Variants in PRTG observed in about 807,000 individuals in gnomAD.
PRTG encodes protogenin.
A neutral mutation model predicts 122.5 loss-of-function variants in PRTG; 67 were observed. The ratio of observed to expected loss-of-function variants is 0.55; its 90% CI spans 0.45 to 0.67. The LOEUF is 0.67. Among genes scored for constraint, PRTG ranks in the 30% least tolerant of loss-of-function variants. PRTG has a pLI of 0.00. For synonymous variants in PRTG, 554 were observed against 501.1 expected (o/e 1.11, Z -1.41); for missense variants, 1,435 against 1,415.4 (o/e 1.01, Z -0.22).
At position 55,624,414 on chromosome 15, in the gene PRTG, G is replaced by T; in HGVS notation, c.3021C>A (p.Asn1007Lys). 6.2e-7 allele frequency: 1 copy of T among 1,613,902 alleles called. No homozygotes were observed. Among genetic ancestry groups the T allele is most frequent in the Non-Finnish European group, 8.5e-7 (1 of 1,179,876 alleles). Residue 1007 changes from asparagine (N) to lysine (K), a missense_variant, in exon 18 of 20, where the codon AAC (asparagine) becomes AAA (lysine). Physicochemically the swap from Asn to Lys is moderately conservative, Grantham distance 94 (BLOSUM62 0). Transcript: ENST00000389286. ...SLASGNEVGK[N>K]LEGAVGNEES... is the part of the protein sequence containing the mutation. ...CTTCATTTCCTACAGCTCCTTCCAG[G>T]TTCTTTCCTACCTCATTTCCACTAG...
chr15:55,685,511 T>C (rs2059565438), intron 2 of PRTG, among the ~76,000 whole-genome samples: 1 of 152,070 alleles, frequency 6.6e-6, no homozygotes, highest in Non-Finnish European at 1.5e-5. Context: ...TTTCCAGGAG[T>C]TATGTAATGC....
Position 55,680,593 on chromosome 15 carries a change from T to G in PRTG, c.712A>C (p.Ile238Leu). 1 of 1,574,556 alleles carries G rather than the reference T, an allele frequency of 6.4e-7. No homozygotes were observed. The highest frequency in any genetic ancestry group is 8.6e-7 in the Non-Finnish European group (1 of 1,158,564). The change falls in exon 5 of 20, where the codon ATA (isoleucine) becomes CTA (leucine). Residue 238 changes from isoleucine (I) to leucine (L), a missense_variant. Physicochemically the swap from Ile to Leu is conservative, Grantham distance 5. Coordinates refer to ENST00000389286, the MANE Select transcript of PRTG (RefSeq NM_173814.6). ...GTTGTTATGTTCTGTGGACCTGCTATAATTGTTGGTGTGTGGAAGGATTTT... is the reference window on the plus strand; with the variant it reads ...GTTGTTATGTTCTGTGGACCTGCTAGAATTGTTGGTGTGTGGAAGGATTTT... ...ESKSFHTPTI[I>L]AGPQNITTSL...
intron 2 of PRTG, among the ~76,000 whole-genome samples, chr15:55,708,950 G>C (rs2030259920): frequency 6.6e-6 from 1 of 151,872 alleles, no homozygotes; most frequent in Non-Finnish European, 1.5e-5. Context: ...TTCAAGGCCA[G>C]CCTGGTCAAC....
Position 55,683,784 on chromosome 15 carries a change from T to G in PRTG, c.542+3A>C, listed in dbSNP as rs551626672. ...ATCTCCAAAGACAAAAATCTACATCTACCTGTCCATAGTCATAGGTAGAGT... is the reference window on the plus strand; with the variant it reads ...ATCTCCAAAGACAAAAATCTACATCGACCTGTCCATAGTCATAGGTAGAGT... On this transcript the variant is annotated splice_donor_region_variant and intron_variant, in intron 3 of 19. Coordinates refer to ENST00000389286, the MANE Select transcript of PRTG (RefSeq NM_173814.6). 6.2e-7 allele frequency: 1 copy of G among 1,609,896 alleles called. No homozygotes were observed. The highest frequency in any genetic ancestry group is 1.1e-5 in the South Asian group (1 of 90,276).
intron 2 of PRTG, among the ~76,000 whole-genome samples, chr15:55,694,434 G>A (rs1353645068): frequency 6.6e-6 from 1 of 151,826 alleles, no homozygotes; most frequent in African/African-American, 2.4e-5. Flanking sequence ...CATCACTTAT[G>A]ATCAATGGAT....
At chr15:55,732,993 C>T (rs891204234) in intron 2 of PRTG, among the ~76,000 whole-genome samples, 24 of 151,956 alleles carry the variant, frequency 1.6e-4, no homozygotes, top group African/African-American at 5.1e-4. Context: ...GGGCAGACCA[C>T]GAGGTCAAGA....
At chr15:55,739,049 C>T (rs1231200893) in intron 2 of PRTG, among the ~76,000 whole-genome samples, 1 of 152,004 alleles carries the variant, frequency 6.6e-6, no homozygotes, top group Non-Finnish European at 1.5e-5. Flanking sequence ...AACCGCAAAC[C>T]TCTGATTTTC....
chr15:55,642,907 T>C (rs1210842790), intron 11 of PRTG, among the ~76,000 whole-genome samples: 1 of 151,818 alleles, frequency 6.6e-6, no homozygotes, highest in Non-Finnish European at 1.5e-5. Flanking sequence ...CGCATCTCTA[T>C]AAAAAATAAA....
intron 4 of PRTG, among the ~76,000 whole-genome samples, chr15:55,682,089 A>C (rs928419484): frequency 2.0e-5 from 3 of 152,208 alleles, no homozygotes; most frequent in Admixed American, 2.0e-4. Context: ...GAGAGACCTG[A>C]GCATCAGTGA....
rs2059135765 is a variant in PRTG at position 55,615,010 on chromosome 15, AT to A, written c.*5001del. On this transcript the variant is annotated 3_prime_UTR_variant, in exon 20 of 20. Transcript: ENST00000389286. ...ACTTCAGTTGGGGAGATTATCCTGG[AT>A]TATTTAGGTGGGCTCAATGTGATCA... 6.6e-6 allele frequency: 1 copy of A among 152,172 alleles called. No homozygotes were observed. The highest frequency in any genetic ancestry group is 1.9e-4 in the East Asian group (1 of 5,176). 9.4% of individuals were successfully genotyped at this position (152,172 alleles called of 1,614,324 possible).
rs1251546041 is a variant in PRTG at position 55,616,429 on chromosome 15, G to A, written c.*3583C>T. Reference sequence around the variant, plus strand: ...CCAGGTAATGCTTAAAGCAGGAAGAGAACTATACAGGCTAATTCAGAGGTA... The same window carrying A: ...CCAGGTAATGCTTAAAGCAGGAAGAAAACTATACAGGCTAATTCAGAGGTA... On this transcript the variant is annotated 3_prime_UTR_variant, in exon 20 of 20. Coordinates refer to ENST00000389286, the MANE Select transcript of PRTG (RefSeq NM_173814.6). 1 of 152,124 alleles carries A rather than the reference G, an allele frequency of 6.6e-6. No individual in the cohort carries two copies. Among genetic ancestry groups the A allele is most frequent in the African/African-American group, 2.4e-5 (1 of 41,430 alleles). The allele number at this position is 152,124 out of a possible 1,614,324, so 9.4% of individuals were successfully genotyped here.
At chr15:55,678,574 A>T (rs2059518129) in intron 7 of PRTG, among the ~76,000 whole-genome samples, 2 of 152,216 alleles carry the variant, frequency 1.3e-5, no homozygotes. Context: ...AATAAAAGTT[A>T]CTGAAAACAA....
chr15:55,648,858 G>A (rs1160792334), intron 11 of PRTG, among the ~76,000 whole-genome samples: 1 of 152,076 alleles, frequency 6.6e-6, no homozygotes, highest in Non-Finnish European at 1.5e-5. Flanking sequence ...CAGCACTTTG[G>A]GAGGCCAAGG....
At chr15:55,702,894 C>A (rs2029945676) in intron 2 of PRTG, 2 of 985,136 alleles carry the variant, frequency 2.0e-6, no homozygotes, top group Non-Finnish European at 2.4e-6. Context: ...CGGGGACAGA[C>A]CTTTTACAGG....
At position 55,682,487 on chromosome 15, in the gene PRTG, G is replaced by A. The variant is rs753129340; in HGVS notation, c.553C>T (p.Leu185=). The part of the protein sequence containing the change: ...LPMTMDRITA[L]PTGVLQIYDV... ...TAGATCTGCAATACTCCTGTTGGTA[G>A]GGCAGTTATCCTGTTATGAGAGAAA... The change falls in exon 4 of 20, where the codon CTA becomes TTA. Residue 185 remains leucine (L), a synonymous_variant. Coordinates refer to ENST00000389286, the MANE Select transcript of PRTG (RefSeq NM_173814.6). The A allele has an allele frequency of 1.4e-5, 22 of 1,541,388 alleles. No individual in the cohort carries two copies. The highest frequency in any genetic ancestry group is 2.4e-5 in the East Asian group (1 of 41,584).
intron 11 of PRTG, among the ~76,000 whole-genome samples, chr15:55,665,344 G>T (rs919741369): frequency 6.6e-6 from 1 of 152,102 alleles, no homozygotes; most frequent in African/African-American, 2.4e-5. Flanking sequence ...ATAGAGGGGA[G>T]GCCTGAAATT....
At chr15:55,713,389 A>C (rs185880888) in intron 2 of PRTG, among the ~76,000 whole-genome samples, 1 of 152,320 alleles carries the variant, frequency 6.6e-6, no homozygotes, top group African/African-American at 2.4e-5. Flanking sequence ...GTTGTTTCCA[A>C]CTTCCCTTTA....
intron 15 of PRTG, among the ~76,000 whole-genome samples, chr15:55,631,265 A>G (rs1045436201): frequency 6.6e-6 from 1 of 152,254 alleles, no homozygotes; most frequent in Non-Finnish European, 1.5e-5. Flanking sequence ...GTGACATGTT[A>G]CACTTAGCTG....
chr15:55,626,180 C>T (rs901498656), intron 17 of PRTG, among the ~76,000 whole-genome samples: 1 of 152,026 alleles, frequency 6.6e-6, no homozygotes, highest in African/African-American at 2.4e-5. Flanking sequence ...CTTTGGGAGG[C>T]CAAGGTGGGC....
Sources: gnomAD v4.1 joint callset for allele counts (sites outside exome capture counted in the v4.1 genomes callset) on GRCh38, gnomAD v4.1.1 for gene constraint, MANE v1.5 for transcripts, NCBI Gene and HGNC (gene_info 2026-07-23, HGNC 2026-07-21) for gene names.